LONP2: variants seen among roughly 807,000 people sequenced by gnomAD.
LONP2 encodes the protein lon protease homolog 2, peroxisomal.
In LONP2, 60 loss-of-function variants were observed where a neutral mutation model predicts 85.6. The observed-to-expected ratio is 0.70, with a 90% CI of 0.57 to 0.87. The LOEUF (loss-of-function observed/expected upper bound fraction) is 0.87, where lower values mean the gene tolerates loss of function less well. LONP2 is among the 40% of genes least tolerant of loss of function. LONP2 has a pLI of 0.00. For synonymous variants in LONP2, 395 were observed against 389.7 expected (o/e 1.01, Z -0.16); for missense variants, 860 against 1,063.5 (o/e 0.81, Z 2.66).
Position 48,277,596 on chromosome 16 carries a change from T to G in LONP2, c.1383+117T>G, listed in dbSNP as rs1398436607. 3 of 985,756 alleles carry G rather than the reference T, an allele frequency of 3.0e-6. No individual in the cohort carries two copies. In the African/African-American group the frequency reaches 5.1e-5, roughly 17 times the overall value. The allele number at this position is 985,756 out of a possible 1,614,324, so 61.1% of individuals were successfully genotyped here. On this transcript the variant is annotated intron_variant, in intron 8 of 14. Coordinates refer to ENST00000285737, the MANE Select transcript of LONP2 (RefSeq NM_031490.5). ...AGCTTTAGTTATGGGAAAAACAGTT[T>G]GATACCGGCTGAGGTCTGAGCAATT...
chr16:48,309,463 A>G (rs963821616), intron 11 of LONP2, among the ~76,000 whole-genome samples: 2 of 152,214 alleles, frequency 1.3e-5, no homozygotes, highest in African/African-American at 4.8e-5. Context: ...CAGAAATTCA[A>G]ATACTGAATA....
Position 48,351,506 on chromosome 16 carries a change from A to G in LONP2, c.2338-75A>G, listed in dbSNP as rs948856290. On this transcript the variant is annotated intron_variant, in intron 14 of 14. Coordinates refer to ENST00000285737, the MANE Select transcript of LONP2 (RefSeq NM_031490.5). ...AAAATAGTAGTGGTTAAATTCAGTG[A>G]AAGAAAGCTGGGTCAGGGTTTCTTT... 2.5e-5 allele frequency: 30 copies of G among 1,194,586 alleles called. No individual in the cohort carries two copies. The African/African-American group carries it at 4.1e-4, about 16-fold the overall frequency. The allele number at this position is 1,194,586 out of a possible 1,614,324, so 74.0% of individuals were successfully genotyped here.
chr16:48,264,951 T>TTTTG (rs796076101), intron 6 of LONP2, among the ~76,000 whole-genome samples: 5 of 152,208 alleles, frequency 3.3e-5, no homozygotes, highest in African/African-American at 1.2e-4. Flanking sequence ...ATGATGGTTT[T>TTTTG]TTTGTTTGTT....
chr16:48,362,512 T>C lies in LONP2; in HGVS notation c.*649T>C, dbSNP rs1187756306. The C allele has an allele frequency of 7.1e-7, 1 of 1,403,992 alleles. No homozygotes were observed. The highest frequency in any genetic ancestry group is 2.4e-5 in the East Asian group (1 of 42,428). 87.0% of individuals were successfully genotyped at this position (1,403,992 alleles called of 1,614,324 possible). A position where few individuals can be genotyped will look rare whatever the true frequency, so the allele number is the denominator to read the frequency against. ...ATAAATAATGTTTACATGCCATAAG[T>C]CCTTTTAAAGTTTCATACAAAATTT... On this transcript the variant is annotated 3_prime_UTR_variant, in exon 5 of 5. Coordinates refer to the LONP2 transcript ENST00000565867. This position sits in a 1 kb window ranked among gnomAD's most constrained non-coding sequence, Gnocchi z 4.2.
At chr16:48,303,650 C>T (rs1281147904) in intron 11 of LONP2, among the ~76,000 whole-genome samples, 1 of 152,076 alleles carries the variant, frequency 6.6e-6, no homozygotes, top group Non-Finnish European at 1.5e-5. Context: ...TGAAGTCCCA[C>T]AATAGGCCAT....
chr16:48,245,916 G>A (rs963350100), intron 1 of LONP2, among the ~76,000 whole-genome samples: 1 of 151,994 alleles, frequency 6.6e-6, no homozygotes, highest in African/African-American at 2.4e-5. Context: ...CTCTACTGGA[G>A]GTGTTGTGTT....
chr16:48,307,671 T>C (rs1331897263), intron 11 of LONP2, among the ~76,000 whole-genome samples: 1 of 152,186 alleles, frequency 6.6e-6, no homozygotes, highest in Non-Finnish European at 1.5e-5. Context: ...TCTGATTATT[T>C]TCATAGAAGT....
intron 1 of LONP2, among the ~76,000 whole-genome samples, chr16:48,246,521 C>G (rs898697861): frequency 6.6e-6 from 1 of 152,146 alleles, no homozygotes; most frequent in Non-Finnish European, 1.5e-5. Flanking sequence ...TTAAGTTTCA[C>G]TATTTGTTGG....
intron 11 of LONP2, among the ~76,000 whole-genome samples, chr16:48,320,336 T>A (rs1325795938): frequency 6.6e-6 from 1 of 152,148 alleles, no homozygotes; most frequent in Non-Finnish European, 1.5e-5. Flanking sequence ...TCTTGTTCAT[T>A]CTTACCTTTC....
chr16:48,348,259 G>T lies in LONP2; in HGVS notation c.2306G>T (p.Gly769Val). ...GTACGTTCAGATGTAGCCATGACTGGAGAAATTACACTGAGAGGTCTTGTT... is the reference window on the plus strand; with the variant it reads ...GTACGTTCAGATGTAGCCATGACTGTAGAAATTACACTGAGAGGTCTTGTT... ...RLVRSDVAMT[G>V]EITLRGLVLP... is the part of the protein sequence containing the mutation. Residue 769 changes from glycine (G) to valine (V), a missense_variant, in exon 14 of 15, where the codon GGA (glycine) becomes GTA (valine). Physicochemically the swap from Gly to Val is moderately radical, Grantham distance 109 (BLOSUM62 -3). Coordinates refer to ENST00000285737, the MANE Select transcript of LONP2 (RefSeq NM_031490.5). The T allele has an allele frequency of 6.4e-7, 1 of 1,556,770 alleles. No individual in the cohort carries two copies. Among genetic ancestry groups the T allele is most frequent in the Non-Finnish European group, 8.7e-7 (1 of 1,153,776 alleles).
At chr16:48,253,072 C>T (rs1162415627) in intron 2 of LONP2, among the ~76,000 whole-genome samples, 1 of 152,146 alleles carries the variant, frequency 6.6e-6, no homozygotes, top group Non-Finnish European at 1.5e-5. Context: ...TACTACTGAT[C>T]ATTGAAATAT....
At chr16:48,348,046 AAAAG>A (rs988120738) in intron 13 of LONP2, 50 bp from the exon 14 acceptor site, 61 of 1,498,986 alleles carry the variant, frequency 4.1e-5, no homozygotes, top group East Asian at 9.2e-5. Flanking sequence ...TTTTAGGAGA[AAAAG>A]AAAACAGGTT....
At chr16:48,338,065 C>T (rs1307788762) in intron 12 of LONP2, among the ~76,000 whole-genome samples, 3 of 152,212 alleles carry the variant, frequency 2.0e-5, no homozygotes, top group Non-Finnish European at 4.4e-5. Context: ...GCCTCAGCCT[C>T]CCAAAGTGCT....
intron 11 of LONP2, among the ~76,000 whole-genome samples, chr16:48,328,239 G>A (rs543664397): frequency 1.1e-4 from 17 of 152,106 alleles, no homozygotes; most frequent in Non-Finnish European, 1.8e-4. Flanking sequence ...GTGAAACCCC[G>A]TCTCTACTAA....
intron 11 of LONP2, among the ~76,000 whole-genome samples, chr16:48,314,988 A>C (rs8060780): frequency 0.21 from 31,620 of 151,984 alleles, 4,053 homozygotes; most frequent in African/African-American, 0.36. Flanking sequence ...CCTTTTATTT[A>C]ATTTCTTCCC....
Position 48,334,225 on chromosome 16 carries a change from A to T in LONP2, c.1805A>T (p.Glu602Val), listed in dbSNP as rs1959565770. Reference sequence around the variant, plus strand: ...TTTTTTTTTCTTTTAGGTTGCAGAGAACACATCTTAGAAGATGAAAAACCT... The same window carrying T: ...TTTTTTTTTCTTTTAGGTTGCAGAGTACACATCTTAGAAGATGAAAAACCT... ...SDVTEREGCR[E>V]HILEDEKPES... Residue 602 changes from glutamate (E) to valine (V), a missense_variant, in exon 12 of 15, where the codon GAA (glutamate) becomes GTA (valine). By Grantham distance (121) the Glu-to-Val change is moderately radical. Around this residue, in one of 3 missense-constraint regions of LONP2, gnomAD observed 743 missense variants for 917.3 expected, o/e 0.81. Coordinates refer to ENST00000285737, the MANE Select transcript of LONP2 (RefSeq NM_031490.5). 1 of 1,613,838 alleles carries T rather than the reference A, an allele frequency of 6.2e-7. No homozygotes were observed. Among genetic ancestry groups the T allele is most frequent in the Admixed American group, 1.7e-5 (1 of 59,988 alleles).
chr16:48,247,227 A>G (rs1971448190), intron 1 of LONP2: 1 of 152,244 alleles, frequency 6.6e-6, no homozygotes, highest in Non-Finnish European at 1.5e-5. Flanking sequence ...TAAAAAAAAA[A>G]AAAAAAAAAG....
chr16:48,359,184 G>T (rs540985437), downstream of LONP2, among the ~76,000 whole-genome samples: 1 of 151,982 alleles, frequency 6.6e-6, no homozygotes, highest in Non-Finnish European at 1.5e-5. Flanking sequence ...TGTTGGTCTC[G>T]AACTCCTGAC....
chr16:48,347,626 C>T lies in LONP2; in HGVS notation c.2058C>T (p.Thr686=), dbSNP rs79926545. 8.4e-4 allele frequency: 1,348 copies of T among 1,614,188 alleles called. 13 individuals are homozygous for T. In the African/African-American group the frequency reaches 0.016, roughly 19 times the overall value. The part of the protein sequence containing the change: ...RMDGEGQLTL[T]GQLGDVMKES... ...ATGGCGAGGGCCAGTTAACTCTGAC[C>T]GGCCAGCTCGGGGACGTGATGAAGG... The change falls in exon 13 of 15, where the codon ACC becomes ACT. Residue 686 remains threonine (T), a synonymous_variant. Transcript: ENST00000285737.
Sources: allele counts gnomAD v4.1 joint callset (sites outside exome capture counted in the v4.1 genomes callset), GRCh38; gene constraint gnomAD v4.1.1; regional missense constraint gnomAD v4.1.1; non-coding constraint Gnocchi (gnomAD v3.1); transcripts MANE v1.5; gene names NCBI Gene and HGNC (gene_info 2026-07-23, HGNC 2026-07-21).